SH3GL1: variants seen among roughly 807,000 people sequenced by gnomAD.
SH3GL1 encodes the protein SH3 domain containing GRB2 like 1, endophilin A2, also known as endophilin-A2.
SH3GL1 carries 21 observed loss-of-function variants against 48.8 expected under a neutral mutation model. The observed-to-expected ratio is 0.43, with a 90% CI of 0.30 to 0.62. The LOEUF is 0.62. Among genes scored for constraint, SH3GL1 ranks in the 20% least tolerant of loss-of-function variants. SH3GL1 has a pLI of 0.11. For synonymous variants in SH3GL1, 282 were observed against 217.5 expected, an observed-to-expected ratio of 1.30 and a Z score of -2.61; for missense variants, 454 against 503.0, an observed-to-expected ratio of 0.90 and a Z score of 0.93.
intron 3 of SH3GL1, 114 bp from the exon 4 acceptor site, chr19:4,365,739 C>G: frequency 7.0e-7 from 1 of 1,426,258 alleles, no homozygotes. Context: ...TGTGGACAGC[C>G]TAGGCCACAC....
rs1972583892 is a variant in SH3GL1, at chr19:4,360,743, G to A, written c.*857C>T. On this transcript the variant is annotated 3_prime_UTR_variant, in exon 10 of 10. Coordinates refer to ENST00000269886, the MANE Select transcript of SH3GL1 (RefSeq NM_003025.4). ...CCAGGGGCTGGGACATGCGCTCACT[G>A]GAACCTTTGTGCTTGGCCCTCGGCA... is the stretch of plus-strand genomic sequence containing the variant. The A allele has an allele frequency of 8.6e-6, 2 of 233,548 alleles. No homozygotes were observed. Among genetic ancestry groups the A allele is most frequent in the African/African-American group, 4.4e-5 (2 of 45,346 alleles). 14.5% of individuals were successfully genotyped at this position (233,548 alleles called of 1,614,324 possible).
At chr19:4,379,857 C>T (rs1239352944) in intron 1 of SH3GL1, among the ~76,000 whole-genome samples, 3 of 152,172 alleles carry the variant, frequency 2.0e-5, no homozygotes, top group Non-Finnish European at 2.9e-5. Context: ...GCAGCCCTGC[C>T]CCCCAAGGCT....
At chr19:4,393,483 C>T (rs951679392) in intron 1 of SH3GL1, among the ~76,000 whole-genome samples, 2 of 151,774 alleles carry the variant, frequency 1.3e-5, no homozygotes, top group African/African-American at 4.8e-5. Context: ...TCAGTCTCTA[C>T]AAAAAAATTA....
At position 4,366,956 on chromosome 19, in the gene SH3GL1, C is replaced by T; in HGVS notation, c.84G>A (p.Lys28=). ...CCATCTCTTTGAAGTCATCATCCAG[C>T]TTGGTCCCCTCGGCCCCTCCGACCT... is the stretch of plus-strand genomic sequence containing the variant. ...SEKVGGAEGT[K]LDDDFKEMEK... The change falls in exon 2 of 10, where the codon AAG becomes AAA. Residue 28 remains lysine (K), a synonymous_variant. Coordinates refer to ENST00000269886, the MANE Select transcript of SH3GL1 (RefSeq NM_003025.4). The T allele has an allele frequency of 1.2e-6, 2 of 1,614,018 alleles. No homozygotes were observed. Among genetic ancestry groups the T allele is most frequent in the Non-Finnish European group, 1.7e-6 (2 of 1,179,914 alleles).
chr19:4,382,122 C>A (rs1164022258), intron 1 of SH3GL1, among the ~76,000 whole-genome samples: 3 of 152,156 alleles, frequency 2.0e-5, no homozygotes, highest in Non-Finnish European at 4.4e-5. Flanking sequence ...CACCCACATC[C>A]ATTGGCTCAC....
At chr19:4,363,665 C>G in intron 6 of SH3GL1, 55 bp downstream of exon 6, 2 of 1,605,468 alleles carry the variant, frequency 1.2e-6, no homozygotes, top group Non-Finnish European at 1.7e-6. Flanking sequence ...GAGGCACCAC[C>G]CCGGCCTCCC....
At chr19:4,383,792 C>T (rs1020104310) in intron 1 of SH3GL1, among the ~76,000 whole-genome samples, 2 of 152,186 alleles carry the variant, frequency 1.3e-5, no homozygotes, top group Admixed American at 1.3e-4. Flanking sequence ...TGCCGGAACA[C>T]AGCGTGAGAG....
At chr19:4,365,884 G>A (rs544038382) in intron 3 of SH3GL1, among the ~76,000 whole-genome samples, 6 of 152,296 alleles carry the variant, frequency 3.9e-5, no homozygotes, top group East Asian at 1.9e-4. Context: ...CTCTTGGAAC[G>A]TGGCTATGAC....
intron 1 of SH3GL1, among the ~76,000 whole-genome samples, chr19:4,391,405 G>A (rs896622575): frequency 3.3e-5 from 5 of 152,206 alleles, no homozygotes; most frequent in Admixed American, 1.3e-4. Flanking sequence ...CACACACCCA[G>A]ATAAGCAGGG....
chr19:4,361,477 G>T lies in SH3GL1; in HGVS notation c.*123C>A. The T allele has an allele frequency of 1.4e-6, 1 of 710,526 alleles. No homozygotes were observed. Among genetic ancestry groups the T allele is most frequent in the Non-Finnish European group, 2.4e-6 (1 of 425,078 alleles). The allele number at this position is 710,526 out of a possible 1,614,324, so 44.0% of individuals were successfully genotyped here. Reference sequence around the variant, plus strand: ...GCTCAGGGAGTACCTCAAGGGCCGGGGCCCAGGTGGCGCCGGCAGGCTCAG... The same window carrying T: ...GCTCAGGGAGTACCTCAAGGGCCGGTGCCCAGGTGGCGCCGGCAGGCTCAG... On this transcript the variant is annotated 3_prime_UTR_variant, in exon 10 of 10. Coordinates refer to ENST00000269886, the MANE Select transcript of SH3GL1 (RefSeq NM_003025.4).
chr19:4,381,000 G>A (rs957459079), intron 1 of SH3GL1, among the ~76,000 whole-genome samples: 2 of 152,012 alleles, frequency 1.3e-5, no homozygotes, highest in African/African-American at 4.8e-5. Flanking sequence ...AGAGCTAACA[G>A]AGGAAAAAAC....
rs1438503309 is a variant in SH3GL1, at chr19:4,400,402, C to T, written c.-34G>A. The T allele has an allele frequency of 6.4e-7, 1 of 1,563,606 alleles. No homozygotes were observed. The highest frequency in any genetic ancestry group is 8.6e-7 in the Non-Finnish European group (1 of 1,160,760). On this transcript the variant is annotated 5_prime_UTR_variant, in exon 1 of 10. Transcript: ENST00000269886. The surrounding 1 kb of genome is among the most constrained non-coding windows in gnomAD (Gnocchi z 4.1). ...CCGCCGCCGAGCCTCCCGCCCGGAC[C>T]GCGCCAGCGACAGGCTCCCGGGCGC...
chr19:4,365,406 G>A lies in SH3GL1; in HGVS notation c.331+76C>T. 2.5e-6 allele frequency: 4 copies of A among 1,586,542 alleles called. No individual in the cohort carries two copies. In the South Asian group the frequency reaches 4.4e-5, roughly 18 times the overall value. Reference sequence around the variant, plus strand: ...GTCCCCGGCACTCAGCACATGCAGGGCCTGGACCTGCCCTGCCTGTGTTGA... The same window carrying A: ...GTCCCCGGCACTCAGCACATGCAGGACCTGGACCTGCCCTGCCTGTGTTGA... On this transcript the variant is annotated intron_variant, in intron 4 of 9. Coordinates refer to ENST00000269886, the MANE Select transcript of SH3GL1 (RefSeq NM_003025.4).
At chr19:4,373,325 C>G (rs995719378) in intron 1 of SH3GL1, among the ~76,000 whole-genome samples, 1 of 152,170 alleles carries the variant, frequency 6.6e-6, no homozygotes, top group African/African-American at 2.4e-5. Flanking sequence ...TCCCGACAGC[C>G]GGGGCTCCCC....
intron 1 of SH3GL1, among the ~76,000 whole-genome samples, chr19:4,393,356 A>G (rs889984703): frequency 6.6e-6 from 1 of 152,210 alleles, no homozygotes; most frequent in Non-Finnish European, 1.5e-5. Context: ...ACAGAGGCTC[A>G]CGCCTGTAAT....
chr19:4,393,800 A>T (rs1055167307), intron 1 of SH3GL1, among the ~76,000 whole-genome samples: 8 of 152,036 alleles, frequency 5.3e-5, no homozygotes, highest in Non-Finnish European at 1.2e-4. Context: ...AAACAAACAA[A>T]AAATTAATAT....
intron 1 of SH3GL1, among the ~76,000 whole-genome samples, chr19:4,386,995 G>A (rs896464097): frequency 6.6e-6 from 1 of 152,058 alleles, no homozygotes; most frequent in East Asian, 1.9e-4. Context: ...GGAGTGCAGT[G>A]GTGCAATCTT....
intron 1 of SH3GL1, chr19:4,390,460 A>T (rs1490375757): frequency 2.0e-5 from 3 of 152,432 alleles, no homozygotes; most frequent in Non-Finnish European, 4.4e-5. Flanking sequence ...GAGAGGGCAA[A>T]AGAAGGGAGA....
chr19:4,366,715 G>A, intron 2 of SH3GL1, 142 bp from the exon 3 acceptor site: 1 of 957,526 alleles, frequency 1.0e-6, no homozygotes, highest in East Asian at 2.4e-5. Context: ...GCTCAGCCAT[G>A]TCCCCACAGC....
Sources: gnomAD v4.1 joint callset for allele counts (sites outside exome capture counted in the v4.1 genomes callset) on GRCh38, gnomAD v4.1.1 for gene constraint, Gnocchi (gnomAD v3.1) non-coding constraint, MANE v1.5 for transcripts, NCBI Gene and HGNC (gene_info 2026-07-23, HGNC 2026-07-21) for gene names.